Variants in RAD51B observed in about 807,000 individuals in gnomAD.
The protein encoded by RAD51B is DNA repair protein RAD51 homolog 2.
RAD51B carries 38 observed loss-of-function variants against 42.2 expected under a neutral mutation model. That is an observed-to-expected ratio of 0.90 (90% confidence interval 0.70 to 1.18). RAD51B has a LOEUF of 1.18. Ranked by LOEUF, RAD51B falls within the 50% of genes most tolerant of loss-of-function variation. The probability of loss-of-function intolerance (pLI) is 0.00; values close to 1 mark genes in which losing one functional copy is unlikely to be tolerated. For synonymous variants in RAD51B, 154 were observed against 145.2 expected, an observed-to-expected ratio of 1.06 and a Z score of -0.43; for missense variants, 373 against 400.7, an observed-to-expected ratio of 0.93 and a Z score of 0.59.
Position 67,964,070 on chromosome 14 carries a change from TAC to T in RAD51B, c.756+76870_756+76871del, listed in dbSNP as rs1351540887. Reference sequence around the variant, plus strand: ...TTCTATGCTGTTCTTTTCCCTACAGTACACATAAATATATATACATATATATT... The same window carrying T: ...TTCTATGCTGTTCTTTTCCCTACAGTACATAAATATATATACATATATATT... On this transcript the variant is annotated intron_variant, in intron 7 of 10. Transcript: ENST00000471583. 2.0e-5 allele frequency among the ~76,000 whole-genome samples: 3 copies of T among 152,180 alleles called. No homozygotes were observed. The East Asian group carries it at 5.8e-4, about 29-fold the overall frequency.
chr14:68,372,689 G>A (rs1334485551), intron 8 of RAD51B, among the ~76,000 whole-genome samples: 1 of 152,106 alleles, frequency 6.6e-6, no homozygotes, highest in Non-Finnish European at 1.5e-5. Flanking sequence ...GGCTCTTTTG[G>A]GGACTCCAGA....
chr14:68,622,954 C>T (rs1016150602), intron 10 of RAD51B, among the ~76,000 whole-genome samples: 1 of 152,154 alleles, frequency 6.6e-6, no homozygotes, highest in Non-Finnish European at 1.5e-5. Flanking sequence ...GTGAGGAAGG[C>T]AGGCCCCTTG....
At chr14:68,145,660 G>A (rs186619915) in intron 7 of RAD51B, among the ~76,000 whole-genome samples, 1 of 152,278 alleles carries the variant, frequency 6.6e-6, no homozygotes, top group African/African-American at 2.4e-5. Context: ...TATGTGAATT[G>A]AGTGAATTGT....
At chr14:68,551,210 G>A (rs562536007) in intron 10 of RAD51B, among the ~76,000 whole-genome samples, 1 of 152,132 alleles carries the variant, frequency 6.6e-6, no homozygotes, top group East Asian at 1.9e-4. Flanking sequence ...ATCATCCTTG[G>A]ATCCTAGATC....
At chr14:67,867,393 G>C (rs1003561809) in intron 5 of RAD51B, among the ~76,000 whole-genome samples, 3 of 152,198 alleles carry the variant, frequency 2.0e-5, no homozygotes, top group African/African-American at 7.2e-5. Flanking sequence ...AGGTCTCAGT[G>C]ATGACAGAGA....
At chr14:68,016,400 C>T (rs895862375) in intron 7 of RAD51B, among the ~76,000 whole-genome samples, 4 of 152,176 alleles carry the variant, frequency 2.6e-5, no homozygotes, top group Non-Finnish European at 4.4e-5. Flanking sequence ...TGCACTGGAA[C>T]ACCATCATAT....
At chr14:68,209,621 G>A (rs1452737600) in intron 7 of RAD51B, among the ~76,000 whole-genome samples, 1 of 152,130 alleles carries the variant, frequency 6.6e-6, no homozygotes, top group African/African-American at 2.4e-5. Flanking sequence ...AAATGCACCA[G>A]TCCACTTTTA....
chr14:68,100,040 A>T (rs1171469803), intron 7 of RAD51B, among the ~76,000 whole-genome samples: 2 of 151,994 alleles, frequency 1.3e-5, no homozygotes, highest in African/African-American at 4.8e-5. Context: ...TTTCAAAGGG[A>T]GGGGGAAGTT....
rs57388033 is a variant in RAD51B at position 68,607,878 on chromosome 14, G to A, written c.1037-3128G>A. 7.3e-3 allele frequency among the ~76,000 whole-genome samples: 1,117 copies of A among 152,268 alleles called. 16 individuals carry two copies. The highest frequency in any genetic ancestry group is 0.025 in the African/African-American group (1,046 of 41,548). On this transcript the variant is annotated intron_variant, in intron 10 of 10. Coordinates refer to the RAD51B transcript ENST00000487861. ...GGGAGGACAGGCCCGGCCCTACATC[G>A]TGCCCCTTCTCACACAGGCCTCCAG... is the stretch of plus-strand genomic sequence containing the variant.
chr14:67,840,919 A>G (rs1028361735), intron 4 of RAD51B, among the ~76,000 whole-genome samples: 1 of 151,890 alleles, frequency 6.6e-6, no homozygotes, highest in Non-Finnish European at 1.5e-5. Flanking sequence ...CTCGTGCCTC[A>G]GCCTCCTGAG....
intron 8 of RAD51B, among the ~76,000 whole-genome samples, chr14:68,315,646 C>A (rs929610621): frequency 6.6e-6 from 1 of 152,082 alleles, no homozygotes; most frequent in Non-Finnish European, 1.5e-5. Context: ...CTCAGCCTCC[C>A]GAGTAGCTGG....
chr14:67,921,757 C>T (rs150476859), intron 7 of RAD51B, among the ~76,000 whole-genome samples: 44 of 152,240 alleles, frequency 2.9e-4, no homozygotes, highest in African/African-American at 1.1e-3. Context: ...CAACTGGTGC[C>T]ACTCTCTCTG....
chr14:68,183,419 G>A (rs978900070), intron 7 of RAD51B, among the ~76,000 whole-genome samples: 1 of 152,178 alleles, frequency 6.6e-6, no homozygotes, highest in African/African-American at 2.4e-5. Flanking sequence ...TAGCCACACT[G>A]GCAGCTGATT....
intron 9 of RAD51B, among the ~76,000 whole-genome samples, chr14:68,464,604 A>G (rs932624051): frequency 4.6e-5 from 7 of 152,222 alleles, no homozygotes; most frequent in Non-Finnish European, 8.8e-5. Flanking sequence ...TCACCAGGTT[A>G]CTACTGACCT....
At chr14:68,239,237 G>A (rs2080332332) in intron 7 of RAD51B, among the ~76,000 whole-genome samples, 1 of 152,178 alleles carries the variant, frequency 6.6e-6, no homozygotes, top group Middle Eastern at 3.4e-3. Flanking sequence ...CCTTCCTATG[G>A]CATTTCTCCT....
intron 7 of RAD51B, among the ~76,000 whole-genome samples, chr14:68,122,707 TC>T (rs894604517): frequency 2.0e-5 from 3 of 152,220 alleles, no homozygotes; most frequent in Non-Finnish European, 2.9e-5. Flanking sequence ...TTTGTGTTTT[TC>T]ATTTGAGCAA....
chr14:68,325,573 AT>A (rs5809376), intron 8 of RAD51B, among the ~76,000 whole-genome samples: 71,977 of 144,338 alleles, frequency 0.5, 20,319 homozygotes, highest in South Asian at 0.67. Context: ...TCACATTCTC[AT>A]TTTTTTTTTT....
At chr14:68,176,383 G>C (rs904618590) in intron 7 of RAD51B, among the ~76,000 whole-genome samples, 2 of 152,158 alleles carry the variant, frequency 1.3e-5, no homozygotes, top group Admixed American at 6.6e-5. Context: ...TCAGTATGCT[G>C]TTCTCAAAGA....
At chr14:68,471,038 G>T (rs2086110608) in intron 10 of RAD51B, among the ~76,000 whole-genome samples, 1 of 152,220 alleles carries the variant, frequency 6.6e-6, no homozygotes, top group African/African-American at 2.4e-5. Context: ...GGAAAACTTG[G>T]AAAGGTACCA....
Sources: gnomAD v4.1 joint callset for allele counts (sites outside exome capture counted in the v4.1 genomes callset) on GRCh38, gnomAD v4.1.1 for gene constraint, MANE v1.5 for transcripts, NCBI Gene and HGNC (gene_info 2026-07-23, HGNC 2026-07-21) for gene names.